The following PPIL4 variants were observed in gnomAD, a reference collection of about 807,000 sequenced individuals.
PPIL4 encodes peptidylprolyl isomerase like 4.
A neutral mutation model predicts 69.1 loss-of-function variants in PPIL4; 50 were observed. The ratio of observed to expected loss-of-function variants is 0.72; its 90% CI spans 0.58 to 0.92. PPIL4 has a LOEUF of 0.92. PPIL4 is among the 40% of genes least tolerant of loss of function. The pLI is 0.00. For missense variants in PPIL4, 480 were observed against 587.9 expected (o/e 0.82, Z 1.90); for synonymous variants, 193 against 191.6 (o/e 1.01, Z -0.06).
intron 10 of PPIL4, among the ~76,000 whole-genome samples, chr6:149,518,105 G>C (rs1242876895): frequency 6.6e-6 from 1 of 152,072 alleles, no homozygotes; most frequent in Non-Finnish European, 1.5e-5. Context: ...GGAGAGGGTG[G>C]GTAATAGCAC....
chr6:149,505,459 A>G lies in PPIL4; in HGVS notation c.1473T>C (p.Tyr491=), dbSNP rs1352737624. 6.2e-7 allele frequency: 1 copy of G among 1,611,752 alleles called. No individual in the cohort carries two copies. The highest frequency in any genetic ancestry group is 1.3e-5 in the African/African-American group (1 of 74,628). The part of the protein sequence containing the change: ...KKSKDKEKSK[Y]R ...AATTCTGCCTCTTCATCTTTCATCT[A>G]TACTTAGATTTTTCTTTATCTTTGG... is the stretch of plus-strand genomic sequence containing the variant. Residue 491 remains tyrosine, a synonymous_variant, in exon 13 of 13, where the codon TAT becomes TAC. Coordinates refer to ENST00000253329, the MANE Select transcript of PPIL4 (RefSeq NM_139126.4).
chr6:149,506,723 T>G (rs1337308397), intron 12 of PPIL4, among the ~76,000 whole-genome samples: 1 of 152,134 alleles, frequency 6.6e-6, no homozygotes, highest in African/African-American at 2.4e-5. Context: ...GTCTCCTAAG[T>G]AGCTGAGACC....
Position 149,505,792 on chromosome 6 carries a change from CATT to C in PPIL4, c.1228-91_1228-89del, listed in dbSNP as rs1479443619. On this transcript the variant is annotated intron_variant, in intron 12 of 12. Coordinates refer to ENST00000253329, the MANE Select transcript of PPIL4 (RefSeq NM_139126.4). The stretch of plus-strand genomic sequence containing the variant: ...ATTAATAAAACTTAGAAAAGTCTAC[CATT>C]AGAAGGCTGTTATAACAGCTTAAAT... 18 of 1,216,170 alleles carry C rather than the reference CATT, an allele frequency of 1.5e-5. No individual in the cohort carries two copies. The African/African-American group carries it at 2.7e-4, about 18-fold the overall frequency. The allele number at this position is 1,216,170 out of a possible 1,614,324, so 75.3% of individuals were successfully genotyped here. A position where few individuals can be genotyped will look rare whatever the true frequency, so the allele number is the denominator to read the frequency against.
At chr6:149,524,088 A>G (rs1777071400) in intron 9 of PPIL4, among the ~76,000 whole-genome samples, 1 of 152,254 alleles carries the variant, frequency 6.6e-6, no homozygotes, top group Non-Finnish European at 1.5e-5. Context: ...TACTGGATAC[A>G]TATGAGTCCA....
rs1583215049 is a variant in PPIL4, at chr6:149,546,031, A to C, written c.-26T>G. On this transcript the variant is annotated 5_prime_UTR_variant, in exon 1 of 13. Transcript: ENST00000253329. ...GGCGCCCGCTCCTCCTCCGCTACAA[A>C]CCCCGGGAGGAGGGGGGTGACAGGC... 6.4e-7 allele frequency: 1 copy of C among 1,556,516 alleles called. No homozygotes were observed. The highest frequency in any genetic ancestry group is 8.7e-7 in the Non-Finnish European group (1 of 1,147,922).
chr6:149,512,350 C>CTTATTACCAG (rs1175194927), intron 11 of PPIL4, 48 bp from the exon 12 acceptor site: 1 of 1,434,992 alleles, frequency 7.0e-7, no homozygotes, highest in East Asian at 2.3e-5. Context: ...ACTGGTAAGA[C>CTTATTACCAG]ATCAAAACTT....
chr6:149,537,964 T>C (rs1301225284), intron 4 of PPIL4, among the ~76,000 whole-genome samples: 4 of 151,930 alleles, frequency 2.6e-5, no homozygotes, highest in African/African-American at 9.7e-5. Flanking sequence ...ACAAGGAAAT[T>C]AATATTGTTT....
chr6:149,512,369 G>A lies in PPIL4; in HGVS notation c.1080-67C>T, dbSNP rs1054713287. The A allele has an allele frequency of 1.0e-5, 13 of 1,244,354 alleles. No homozygotes were observed. The African/African-American group carries it at 2.0e-4, about 19-fold the overall frequency. 77.1% of individuals were successfully genotyped at this position (1,244,354 alleles called of 1,614,324 possible). A position where few individuals can be genotyped will look rare whatever the true frequency, so the allele number is the denominator to read the frequency against. On this transcript the variant is annotated intron_variant, in intron 11 of 12. Transcript: ENST00000253329. The stretch of plus-strand genomic sequence containing the variant: ...GTAAGACATCAAAACTTAAGATCTG[G>A]TAAACAAAGGAGGTCATAAGGCTAA...
chr6:149,522,902 C>T (rs750236017), intron 9 of PPIL4, among the ~76,000 whole-genome samples: 1 of 152,196 alleles, frequency 6.6e-6, no homozygotes, highest in East Asian at 1.9e-4. Flanking sequence ...TGAGCCACCA[C>T]GCCTGGCCAG....
chr6:149,545,517 A>G (rs1217079283), intron 1 of PPIL4, among the ~76,000 whole-genome samples: 4 of 152,086 alleles, frequency 2.6e-5, no homozygotes, highest in Non-Finnish European at 5.9e-5. Flanking sequence ...TCGCTGCGCC[A>G]AGCACACCCT....
chr6:149,515,831 T>C (rs2115029556), intron 11 of PPIL4, among the ~76,000 whole-genome samples: 1 of 152,356 alleles, frequency 6.6e-6, no homozygotes, highest in East Asian at 1.9e-4. Flanking sequence ...TTCTCCAATT[T>C]CTTCCCTGAG....
intron 12 of PPIL4, among the ~76,000 whole-genome samples, chr6:149,506,569 C>T (rs903247333): frequency 6.6e-6 from 1 of 152,208 alleles, no homozygotes; most frequent in Non-Finnish European, 1.5e-5. Flanking sequence ...TCAAATACAT[C>T]TTCCATGTTT....
At chr6:149,511,002 T>C (rs1776833429) in intron 12 of PPIL4, among the ~76,000 whole-genome samples, 1 of 152,192 alleles carries the variant, frequency 6.6e-6, no homozygotes, top group Admixed American at 6.5e-5. Flanking sequence ...AAACAACTTG[T>C]CAAGGTCACT....
At chr6:149,525,451 T>TA (rs1777092654) in intron 8 of PPIL4, among the ~76,000 whole-genome samples, 1 of 152,202 alleles carries the variant, frequency 6.6e-6, no homozygotes, top group African/African-American at 2.4e-5. Context: ...TAAATTCCCT[T>TA]AAGCACTGAA....
intron 9 of PPIL4, among the ~76,000 whole-genome samples, chr6:149,524,243 A>G (rs1777074202): frequency 6.6e-6 from 1 of 152,220 alleles, no homozygotes; most frequent in Non-Finnish European, 1.5e-5. Flanking sequence ...TATGTGTCTC[A>G]GTTAACTTAT....
intron 1 of PPIL4, among the ~76,000 whole-genome samples, chr6:149,543,003 G>A (rs1240915543): frequency 6.6e-6 from 1 of 152,122 alleles, no homozygotes; most frequent in Non-Finnish European, 1.5e-5. Flanking sequence ...AACAGATAGG[G>A]GTGGTCCTTT....
chr6:149,537,434 G>A lies in PPIL4; in HGVS notation c.322-1696C>T, dbSNP rs182004643. Reference sequence around the variant, plus strand: ...AAGAATGATGCTAAATCGGCCGGGCGCGGTGGCTCACGCCTGTAATCCCAG... The same window carrying A: ...AAGAATGATGCTAAATCGGCCGGGCACGGTGGCTCACGCCTGTAATCCCAG... On this transcript the variant is annotated intron_variant, in intron 4 of 12. Transcript: ENST00000253329. Among the ~76,000 whole-genome samples the A allele has an allele frequency of 4.4e-3, 671 of 152,244 alleles. 3 individuals are homozygous for A. The highest frequency in any genetic ancestry group is 5.4e-3 in the Non-Finnish European group (365 of 68,014).
At chr6:149,526,860 C>T (rs1777115339) in intron 7 of PPIL4, 84 bp from the exon 8 acceptor site, 4 of 1,295,496 alleles carry the variant, frequency 3.1e-6, no homozygotes, top group Non-Finnish European at 4.3e-6. Flanking sequence ...ATGCTGATTT[C>T]CTTAAAACAT....
intron 9 of PPIL4, among the ~76,000 whole-genome samples, chr6:149,523,663 C>A (rs1482155146): frequency 6.6e-6 from 1 of 151,314 alleles, no homozygotes; most frequent in Non-Finnish European, 1.5e-5. Flanking sequence ...TACACTCCAG[C>A]CTGGGTGACA....
Sources: allele counts gnomAD v4.1 joint callset (sites outside exome capture counted in the v4.1 genomes callset), GRCh38; gene constraint gnomAD v4.1.1; transcripts MANE v1.5; gene names NCBI Gene and HGNC (gene_info 2026-07-23, HGNC 2026-07-21).